The following CNBP variants were observed in gnomAD, a reference collection of about 807,000 sequenced individuals.
CNBP encodes the protein cellular nucleic acid-binding protein.
Under a neutral mutation model 21.2 loss-of-function variants are expected in CNBP, and 6 were observed. The observed-to-expected ratio is 0.28, with a 90% CI of 0.16 to 0.56. The LOEUF is 0.56. Among genes scored for constraint, CNBP ranks in the 20% least tolerant of loss-of-function variants. The pLI, the probability that CNBP is intolerant of heterozygous loss-of-function variation, is 0.93. For synonymous variants in CNBP, 61 were observed against 74.9 expected (o/e 0.81, Z 0.96); for missense variants, 112 against 233.1 (o/e 0.48, Z 3.38).
In CNBP at chr3:129,169,736, G is replaced by T. The variant is rs909962267; in HGVS notation, c.*717C>A. ...ATACAAAAATAACATCTTGATTTCT[G>T]TGAAAATGCATTTCTCTGCAATTCC... On this transcript the variant is annotated 3_prime_UTR_variant, in exon 5 of 5. Transcript: ENST00000422453. 9.2e-6 allele frequency: 2 copies of T among 218,014 alleles called. No homozygotes were observed. The highest frequency in any genetic ancestry group is 4.5e-5 in the African/African-American group (2 of 44,428). 13.5% of individuals were successfully genotyped at this position (218,014 alleles called of 1,614,324 possible).
At position 129,168,921 on chromosome 3, in the gene CNBP, C is replaced by T. The variant is rs1366019814; in HGVS notation, c.*1532G>A. Among the ~76,000 whole-genome samples the T allele has an allele frequency of 5.7e-5, 8 of 140,422 alleles. No homozygotes were observed. Among genetic ancestry groups the T allele is most frequent in the African/African-American group, 2.1e-4 (8 of 38,730 alleles). The allele number at this position is 140,422 out of a possible 152,430, so 92.1% of individuals were successfully genotyped here. A position where few individuals can be genotyped will look rare whatever the true frequency, so the allele number is the denominator to read the frequency against. On this transcript the variant is annotated 3_prime_UTR_variant, in exon 5 of 5. Coordinates refer to ENST00000422453, the MANE Select transcript of CNBP (RefSeq NM_003418.5). ...ACCATCCTGGCTAACACCGTGAAAC[C>T]CCGTCTTTACTAAAAATACAAAAAA... is the stretch of plus-strand genomic sequence containing the variant.
At position 129,169,034 on chromosome 3, in the gene CNBP, G is replaced by A. The variant is rs188671495; in HGVS notation, c.*1419C>T. Among the ~76,000 whole-genome samples the A allele has an allele frequency of 9.2e-3, 1,393 of 151,802 alleles. 20 individuals are homozygous for A. Among genetic ancestry groups the A allele is most frequent in the Non-Finnish European group, 0.013 (879 of 67,928 alleles). ...GGAGAATGGCACGAACCCAGGAGGC[G>A]GAGCTTGCAGTGAGCCGAGATCGCA... On this transcript the variant is annotated 3_prime_UTR_variant, in exon 5 of 5. Coordinates refer to ENST00000422453, the MANE Select transcript of CNBP (RefSeq NM_003418.5).
At chr3:129,180,762 C>CTTT (rs755567747) in intron 1 of CNBP, among the ~76,000 whole-genome samples, 4 of 140,020 alleles carry the variant, frequency 2.9e-5, no homozygotes, top group Non-Finnish European at 4.7e-5. Flanking sequence ...AGGAACCAAT[C>CTTT]TTTTTTTTTT....
At chr3:129,176,342 G>T (rs748085649) in intron 1 of CNBP, among the ~76,000 whole-genome samples, 1 of 152,116 alleles carries the variant, frequency 6.6e-6, no homozygotes, top group Non-Finnish European at 1.5e-5. Context: ...TCCCAGCCTG[G>T]AACTACCCTC....
chr3:129,174,738 T>C (rs1395424155), intron 1 of CNBP, among the ~76,000 whole-genome samples: 4 of 152,118 alleles, frequency 2.6e-5, no homozygotes, highest in Admixed American at 2.0e-4. Flanking sequence ...CCATCTTCAT[T>C]TTGTATCTTC....
intron 1 of CNBP, among the ~76,000 whole-genome samples, chr3:129,175,867 G>C (rs909036843): frequency 6.6e-6 from 1 of 152,182 alleles, no homozygotes; most frequent in Non-Finnish European, 1.5e-5. Context: ...TTTTAAAAGA[G>C]GTCTTTGAGT....
chr3:129,170,998 AG>A, intron 4 of CNBP, 80 bp downstream of exon 4: 1 of 1,407,864 alleles, frequency 7.1e-7, no homozygotes, highest in Non-Finnish European at 9.7e-7. Context: ...GAATTTACTA[AG>A]GCCCTTCCAT....
chr3:129,170,292 G>C lies in CNBP; in HGVS notation c.*161C>G. On this transcript the variant is annotated 3_prime_UTR_variant, in exon 5 of 5. Coordinates refer to ENST00000422453, the MANE Select transcript of CNBP (RefSeq NM_003418.5). ...TAAACTTTTTTTGTAGTTAAATGCA[G>C]AAAGTCGGTTTTTTTCCACCCCTTT... 6.2e-6 allele frequency: 4 copies of C among 640,022 alleles called. No homozygotes were observed. Among genetic ancestry groups the C allele is most frequent in the Non-Finnish European group, 1.1e-5 (4 of 357,638 alleles). 39.6% of individuals were successfully genotyped at this position (640,022 alleles called of 1,614,324 possible).
intron 1 of CNBP, among the ~76,000 whole-genome samples, chr3:129,173,985 C>A (rs1032599768): frequency 6.6e-6 from 1 of 152,144 alleles, no homozygotes; most frequent in African/African-American, 2.4e-5. Flanking sequence ...CTTAAAATTA[C>A]ACTGAAGTTG....
intron 1 of CNBP, among the ~76,000 whole-genome samples, chr3:129,178,175 A>T (rs1014535597): frequency 1.3e-5 from 2 of 151,584 alleles, no homozygotes; most frequent in African/African-American, 4.8e-5. Context: ...AAAAAAAAAA[A>T]AAAATAAGGT....
At chr3:129,170,681 C>A in intron 4 of CNBP, 111 bp from the exon 5 acceptor site, 2 of 813,790 alleles carry the variant, frequency 2.5e-6, no homozygotes, top group Non-Finnish European at 4.2e-6. Flanking sequence ...ATGCAATTAA[C>A]CCCTAAGGTT....
chr3:129,174,219 G>A (rs1937727747), intron 1 of CNBP, among the ~76,000 whole-genome samples: 1 of 151,910 alleles, frequency 6.6e-6, no homozygotes, highest in Non-Finnish European at 1.5e-5. Context: ...GCCAGTGAAG[G>A]ATATTAAAAA....
chr3:129,175,514 T>C (rs1576918034), intron 1 of CNBP, among the ~76,000 whole-genome samples: 1 of 148,694 alleles, frequency 6.7e-6, no homozygotes, highest in East Asian at 2.1e-4. Context: ...ACTGCAACCT[T>C]CACCTCCTGG....
chr3:129,182,857 G>A (rs950476375), intron 1 of CNBP, among the ~76,000 whole-genome samples: 1 of 152,096 alleles, frequency 6.6e-6, no homozygotes, highest in South Asian at 2.1e-4. Context: ...TCAAGGATAG[G>A]GAGTATAAAC....
chr3:129,182,958 GTTTGTTTT>G (rs1481461661), intron 1 of CNBP, among the ~76,000 whole-genome samples: 1 of 150,090 alleles, frequency 6.7e-6, no homozygotes, highest in African/African-American at 2.5e-5. Flanking sequence ...TTGTTTGTTT[GTTTGTTTT>G]TTTAAGACGG....
chr3:129,172,634 AG>A (rs1335607238), intron 1 of CNBP, among the ~76,000 whole-genome samples: 7 of 44,886 alleles, frequency 1.6e-4, no homozygotes, highest in African/African-American at 3.5e-4. Context: ...CCAGGCAGGC[AG>A]GCAGGCAGGC....
intron 1 of CNBP, among the ~76,000 whole-genome samples, chr3:129,175,215 T>C (rs1937815847): frequency 1.3e-5 from 2 of 151,712 alleles, no homozygotes; most frequent in Admixed American, 6.6e-5. Flanking sequence ...TCCTAGCTAC[T>C]CGAGAGGCTG....
At position 129,169,960 on chromosome 3, in the gene CNBP, T is replaced by C. The variant is rs1216915386; in HGVS notation, c.*493A>G. 4.3e-6 allele frequency: 1 copy of C among 232,744 alleles called. No individual in the cohort carries two copies. Among genetic ancestry groups the C allele is most frequent in the South Asian group, 1.8e-4 (1 of 5,660 alleles). 14.4% of individuals were successfully genotyped at this position (232,744 alleles called of 1,614,324 possible). On this transcript the variant is annotated 3_prime_UTR_variant, in exon 5 of 5. Transcript: ENST00000422453. ...CCATTAACACGCATGTTTATCTTTT[T>C]GTTTACTCCCACTCAACTGTATGTT...
intron 1 of CNBP, among the ~76,000 whole-genome samples, chr3:129,175,014 C>T (rs1177890213): frequency 2.0e-5 from 3 of 152,020 alleles, no homozygotes; most frequent in Admixed American, 1.3e-4. Context: ...CTGACCAACA[C>T]AGTGAAACTC....
Sources: allele counts gnomAD v4.1 joint callset (sites outside exome capture counted in the v4.1 genomes callset), GRCh38; gene constraint gnomAD v4.1.1; transcripts MANE v1.5; gene names NCBI Gene and HGNC (gene_info 2026-07-23, HGNC 2026-07-21).